FHIP1A: variants seen among roughly 807,000 people sequenced by gnomAD.
The protein encoded by FHIP1A is FHF complex subunit HOOK interacting protein 1A.
Under a neutral mutation model 88.6 loss-of-function variants are expected in FHIP1A, and 61 were observed. The observed-to-expected ratio is 0.69, with a 90% CI of 0.56 to 0.85. The LOEUF (loss-of-function observed/expected upper bound fraction) is 0.85, where lower values mean the gene tolerates loss of function less well. Among genes scored for constraint, FHIP1A ranks in the 40% least tolerant of loss-of-function variants. The pLI, the probability that FHIP1A is intolerant of heterozygous loss-of-function variation, is 0.00. For synonymous variants in FHIP1A, 478 were observed against 496.0 expected (o/e 0.96, Z 0.48); for missense variants, 1,154 against 1,273.5 (o/e 0.91, Z 1.43).
intron 3 of FHIP1A, among the ~76,000 whole-genome samples, chr4:151,495,887 T>G (rs1009353601): frequency 6.6e-6 from 1 of 152,132 alleles, no homozygotes; most frequent in Non-Finnish European, 1.5e-5. Flanking sequence ...CCACCCAAAG[T>G]GCTGAGATTA....
intron 1 of FHIP1A, among the ~76,000 whole-genome samples, chr4:151,423,278 T>C (rs954182650): frequency 4.6e-5 from 7 of 152,066 alleles, no homozygotes; most frequent in African/African-American, 1.7e-4. Context: ...TTTATCAAGA[T>C]GCTGATTTTC....
intron 5 of FHIP1A, among the ~76,000 whole-genome samples, chr4:151,581,354 ATT>A (rs962277718): frequency 4.7e-4 from 71 of 152,210 alleles, no homozygotes; most frequent in African/African-American, 1.7e-3. Context: ...TGTAATTTTT[ATT>A]GTTTGAAAAA....
At position 151,649,789 on chromosome 4, in the gene FHIP1A, A is replaced by G; in HGVS notation, c.1748A>G (p.Tyr583Cys). The G allele has an allele frequency of 1.3e-6, 2 of 1,551,686 alleles. No individual in the cohort carries two copies. The highest frequency in any genetic ancestry group is 8.7e-7 in the Non-Finnish European group (1 of 1,146,972). Residue 583 changes from tyrosine (Y) to cysteine (C), a missense_variant, in exon 11 of 14, where the codon TAT becomes TGT. Transcript: ENST00000435205. ...SQTELEWDDSYDTGISSGADV... is the reference protein window; with the variant it reads ...SQTELEWDDSCDTGISSGADV... Reference sequence around the variant, plus strand: ...ACAGAGCTGGAATGGGATGACAGCTATGACACTGGAATCTCCTCAGGGGCT... The same window carrying G: ...ACAGAGCTGGAATGGGATGACAGCTGTGACACTGGAATCTCCTCAGGGGCT...
chr4:151,534,378 T>C (rs571428673), intron 3 of FHIP1A, among the ~76,000 whole-genome samples: 56 of 152,334 alleles, frequency 3.7e-4, no homozygotes, highest in Admixed American at 3.0e-3. Context: ...TGTGTCACCT[T>C]TCCCCATATT....
At chr4:151,496,953 A>G (rs2126656164) in intron 3 of FHIP1A, among the ~76,000 whole-genome samples, 1 of 152,024 alleles carries the variant, frequency 6.6e-6, no homozygotes. Context: ...AAAGAAACAT[A>G]TAAATATAAT....
At chr4:151,528,005 A>T (rs1731743732) in intron 3 of FHIP1A, among the ~76,000 whole-genome samples, 1 of 152,194 alleles carries the variant, frequency 6.6e-6, no homozygotes, top group Non-Finnish European at 1.5e-5. Context: ...CAGAAGCCCA[A>T]GCGTTATCTC....
At position 151,656,970 on chromosome 4, in the gene FHIP1A, C is replaced by T; in HGVS notation, c.2869+72C>T. ...CGTCCCTGGCCTACTGGCCTCAGTT[C>T]ACAGATGCTGCACTGGCTTCTGGAT... On this transcript the variant is annotated intron_variant, in intron 13 of 13. Coordinates refer to ENST00000435205, the MANE Select transcript of FHIP1A (RefSeq NM_001109977.3). The surrounding 1 kb of genome is among the most constrained non-coding windows in gnomAD (Gnocchi z 4.2). 5 of 1,421,778 alleles carry T rather than the reference C, an allele frequency of 3.5e-6. No homozygotes were observed. The highest frequency in any genetic ancestry group is 4.7e-6 in the Non-Finnish European group (5 of 1,058,916). The allele number at this position is 1,421,778 out of a possible 1,614,324, so 88.1% of individuals were successfully genotyped here.
At chr4:151,613,914 G>A (rs937351042) in intron 7 of FHIP1A, among the ~76,000 whole-genome samples, 1 of 152,136 alleles carries the variant, frequency 6.6e-6, no homozygotes, top group African/African-American at 2.4e-5. Context: ...TGTAATCCCA[G>A]CACTTTGGGA....
At chr4:151,641,541 AT>A (rs1019530151) in intron 9 of FHIP1A, among the ~76,000 whole-genome samples, 2 of 151,668 alleles carry the variant, frequency 1.3e-5, no homozygotes, top group Admixed American at 6.6e-5. Context: ...TTTTTTTGCA[AT>A]TTTTTTTTCT....
intron 3 of FHIP1A, among the ~76,000 whole-genome samples, chr4:151,515,293 G>A (rs956848614): frequency 2.9e-4 from 44 of 150,946 alleles, no homozygotes; most frequent in African/African-American, 9.8e-4. Context: ...AGGTATTGAT[G>A]GGACATATCT....
chr4:151,661,753 A>T (rs899103754), intron 13 of FHIP1A, among the ~76,000 whole-genome samples: 1 of 152,206 alleles, frequency 6.6e-6, no homozygotes, highest in African/African-American at 2.4e-5. Context: ...TTAAAATTTG[A>T]ACTCATCTTA....
At chr4:151,590,628 A>G (rs1335265021) in intron 7 of FHIP1A, among the ~76,000 whole-genome samples, 2 of 152,230 alleles carry the variant, frequency 1.3e-5, no homozygotes, top group Non-Finnish European at 2.9e-5. Context: ...TGAGCACAGT[A>G]CCTTAGACTT....
At chr4:151,629,175 T>C (rs1736060824) in intron 7 of FHIP1A, among the ~76,000 whole-genome samples, 1 of 152,224 alleles carries the variant, frequency 6.6e-6, no homozygotes, top group African/African-American at 2.4e-5. Context: ...GGAACATCTG[T>C]AGCACTTTGT....
rs184687836 is a variant in FHIP1A at position 151,612,474 on chromosome 4, G to A, written c.979-17228G>A. Among the ~76,000 whole-genome samples the A allele has an allele frequency of 1.4e-3, 206 of 152,208 alleles. 1 individual carries two copies. Among genetic ancestry groups the A allele is most frequent in the African/African-American group, 4.5e-3 (188 of 41,530 alleles). ...CTGCTCACTGCAACCTCCGCCTTCCGGCTTCATGCAATTCTCCTGCCTCAG... is the reference window on the plus strand; with the variant it reads ...CTGCTCACTGCAACCTCCGCCTTCCAGCTTCATGCAATTCTCCTGCCTCAG... On this transcript the variant is annotated intron_variant, in intron 7 of 13. Transcript: ENST00000435205.
At chr4:151,434,974 A>T (rs1733745512) in intron 1 of FHIP1A, among the ~76,000 whole-genome samples, 1 of 152,186 alleles carries the variant, frequency 6.6e-6, no homozygotes, top group Non-Finnish European at 1.5e-5. Context: ...CACATCTTTT[A>T]AAAAAATTGA....
intron 3 of FHIP1A, among the ~76,000 whole-genome samples, chr4:151,509,162 TTTTG>T (rs775457985): frequency 2.0e-5 from 3 of 152,112 alleles, no homozygotes; most frequent in Non-Finnish European, 4.4e-5. Flanking sequence ...TAAGTATTTT[TTTTG>T]TTTGTTTGTT....
intron 2 of FHIP1A, among the ~76,000 whole-genome samples, chr4:151,464,294 T>A (rs951972609): frequency 6.6e-6 from 1 of 152,244 alleles, no homozygotes; most frequent in Non-Finnish European, 1.5e-5. Flanking sequence ...TGGTGGTTTT[T>A]AAGCCTTTTA....
At position 151,626,546 on chromosome 4, in the gene FHIP1A, T is replaced by C. The variant is rs1268939970; in HGVS notation, c.979-3156T>C. 2.0e-5 allele frequency among the ~76,000 whole-genome samples: 3 copies of C among 152,222 alleles called. No individual in the cohort carries two copies. The East Asian group carries it at 5.8e-4, about 29-fold the overall frequency. ...CTCATTTGTGGACACTGAGTTTTCT[T>C]TAGGTTATTTCAGTCATTGTGGCCC... is the stretch of plus-strand genomic sequence containing the variant. On this transcript the variant is annotated intron_variant, in intron 7 of 13. Coordinates refer to ENST00000435205, the MANE Select transcript of FHIP1A (RefSeq NM_001109977.3).
Position 151,662,831 on chromosome 4 carries a change from G to A in FHIP1A, c.*77G>A, listed in dbSNP as rs1447265648. ...TTGACTGAATGTTAAATGCAAAGCT[G>A]CTTACAAAGATTTCTACTTTAATGT... On this transcript the variant is annotated 3_prime_UTR_variant, in exon 14 of 14. Transcript: ENST00000435205. 2 of 1,274,942 alleles carry A rather than the reference G, an allele frequency of 1.6e-6. No homozygotes were observed. Among genetic ancestry groups the A allele is most frequent in the Non-Finnish European group, 1.0e-6 (1 of 960,362 alleles). 79.0% of individuals were successfully genotyped at this position (1,274,942 alleles called of 1,614,324 possible).
Sources: allele counts gnomAD v4.1 joint callset (sites outside exome capture counted in the v4.1 genomes callset), GRCh38; gene constraint gnomAD v4.1.1; non-coding constraint Gnocchi (gnomAD v3.1); transcripts MANE v1.5; gene names NCBI Gene and HGNC (gene_info 2026-07-23, HGNC 2026-07-21).